Variants in WDR64 observed in about 807,000 individuals in gnomAD.
The protein encoded by WDR64 is WD repeat domain 64, also known as WD repeat-containing protein 64.
Under a neutral mutation model 139.3 loss-of-function variants are expected in WDR64, and 112 were observed. That is an observed-to-expected ratio of 0.80 (90% CI 0.69 to 0.94). The LOEUF is 0.94. Among genes scored for constraint, WDR64 ranks in the 40% least tolerant of loss-of-function variants. The probability of loss-of-function intolerance (pLI) is 0.00; values close to 1 mark genes in which losing one functional copy is unlikely to be tolerated. For missense variants in WDR64, 1,206 were observed against 1,293.1 expected, an observed-to-expected ratio of 0.93 and a Z score of 1.03; for synonymous variants, 444 against 437.7, an observed-to-expected ratio of 1.01 and a Z score of -0.18.
chr1:241,655,280 G>A (rs1290924410), intron 1 of WDR64, among the ~76,000 whole-genome samples: 2 of 152,128 alleles, frequency 1.3e-5, no homozygotes, highest in Non-Finnish European at 2.9e-5. Flanking sequence ...CTACTCGGGA[G>A]GCTAAGCCAG....
chr1:241,693,072 A>G (rs1041608481), intron 8 of WDR64, among the ~76,000 whole-genome samples: 7 of 152,174 alleles, frequency 4.6e-5, no homozygotes, highest in Non-Finnish European at 7.4e-5. Flanking sequence ...TATTTACCCA[A>G]AGAAGTTGAA....
At chr1:241,790,849 A>G (rs940345881) in intron 25 of WDR64, among the ~76,000 whole-genome samples, 153 bp downstream of exon 25, 4 of 152,184 alleles carry the variant, frequency 2.6e-5, no homozygotes, top group Non-Finnish European at 5.9e-5. Flanking sequence ...TAAACAATAC[A>G]AATTAATTAT....
intron 23 of WDR64, among the ~76,000 whole-genome samples, chr1:241,783,908 T>C (rs2051064): frequency 0.45 from 68,070 of 152,088 alleles, 16,020 homozygotes; most frequent in Middle Eastern, 0.65. Context: ...GGAAATGTCA[T>C]GGCATTTCTA....
rs758047831 is a variant in WDR64 at position 241,801,207 on chromosome 1, C to T, written c.3268C>T (p.Pro1090Ser). 7 of 1,613,200 alleles carry T rather than the reference C, an allele frequency of 4.3e-6. No individual in the cohort carries two copies. Among genetic ancestry groups the T allele is most frequent in the East Asian group, 2.2e-5 (1 of 44,848 alleles). The change falls in exon 28 of 28, where the codon CCC (proline) becomes TCC (serine). Residue 1090 changes from proline to serine, a missense_variant. Transcript: ENST00000437684. ...NLASSFFPAI[P>S]K ...GGCTTCTTCCTTCTTCCCAGCTATA[C>T]CCAAGTAAGGAGAAAAAATCAGAAA...
chr1:241,754,297 T>G (rs894351710), intron 14 of WDR64, among the ~76,000 whole-genome samples: 3 of 146,178 alleles, frequency 2.1e-5, no homozygotes, highest in African/African-American at 5.0e-5. Context: ...ACGTGCAGGG[T>G]TTTTTTTCCT....
intron 8 of WDR64, among the ~76,000 whole-genome samples, chr1:241,691,157 G>A (rs948026248): frequency 2.6e-5 from 4 of 152,064 alleles, no homozygotes; most frequent in Middle Eastern, 3.2e-3. Flanking sequence ...TAAAAAATGT[G>A]TAACTTATAT....
chr1:241,764,776 T>A (rs1046804224), intron 15 of WDR64, among the ~76,000 whole-genome samples: 7 of 152,148 alleles, frequency 4.6e-5, no homozygotes, highest in Non-Finnish European at 8.8e-5. Context: ...TAGCATAACT[T>A]GCAATTACAC....
chr1:241,729,682 T>C (rs73141055), intron 10 of WDR64, among the ~76,000 whole-genome samples: 26,917 of 152,166 alleles, frequency 0.18, 2,915 homozygotes, highest in African/African-American at 0.29. Flanking sequence ...TGAGTTTTTT[T>C]TCCTTTTGGT....
intron 2 of WDR64, among the ~76,000 whole-genome samples, chr1:241,665,135 G>A (rs554872689): frequency 7.2e-5 from 11 of 152,036 alleles, no homozygotes; most frequent in East Asian, 1.9e-4. Context: ...CCTATAAATC[G>A]TATGCAAGTT....
intron 1 of WDR64, among the ~76,000 whole-genome samples, chr1:241,655,181 A>C (rs552059299): frequency 6.6e-6 from 1 of 152,154 alleles, no homozygotes; most frequent in Non-Finnish European, 1.5e-5. Context: ...TCAGGAGTTC[A>C]AGACCAGCCT....
At position 241,688,490 on chromosome 1, in the gene WDR64, CTCA is replaced by C. The variant is rs145825379; in HGVS notation, c.974+898_974+900del. ...CCCTAATAAAGATGTCTCAGAAAAG[CTCA>C]TCGAGACTCCTGGCTGCCTTCCAGT... On this transcript the variant is annotated intron_variant, in intron 8 of 27. Coordinates refer to ENST00000437684, the MANE Select transcript of WDR64 (RefSeq NM_001367482.1). Among the ~76,000 whole-genome samples, 435 of 152,278 alleles carry C rather than the reference CTCA, an allele frequency of 2.9e-3. 5 individuals are homozygous for C. The highest frequency in any genetic ancestry group is 0.01 in the African/African-American group (421 of 41,570).
chr1:241,734,043 G>T (rs1405213483), intron 10 of WDR64, among the ~76,000 whole-genome samples: 1 of 152,160 alleles, frequency 6.6e-6, no homozygotes, highest in East Asian at 1.9e-4. Context: ...TCTGGGAACT[G>T]CTTAGGGCAA....
intron 1 of WDR64, among the ~76,000 whole-genome samples, chr1:241,653,356 T>TG (rs1665438030): frequency 6.6e-6 from 1 of 152,188 alleles, no homozygotes; most frequent in Non-Finnish European, 1.5e-5. Flanking sequence ...TGTGCCAGGC[T>TG]GCATAGTAAT....
At chr1:241,757,608 C>T (rs2148277354) in intron 15 of WDR64, 149 bp downstream of exon 15, 1 of 533,638 alleles carries the variant, frequency 1.9e-6, no homozygotes. Context: ...AAACTTACTC[C>T]TTATTTCCAC....
intron 10 of WDR64, among the ~76,000 whole-genome samples, chr1:241,724,129 T>C (rs2148202355): frequency 6.6e-6 from 1 of 152,176 alleles, no homozygotes; most frequent in East Asian, 1.9e-4. Flanking sequence ...AACTATGAAG[T>C]TTTACTGTGT....
chr1:241,777,590 G>C (rs1658703866), intron 21 of WDR64, among the ~76,000 whole-genome samples: 1 of 151,384 alleles, frequency 6.6e-6, no homozygotes, highest in African/African-American at 2.4e-5. Flanking sequence ...GCTAATTTTT[G>C]TATTTTTACT....
chr1:241,729,027 A>G (rs1053541173), intron 10 of WDR64, among the ~76,000 whole-genome samples: 8 of 152,106 alleles, frequency 5.3e-5, no homozygotes, highest in Middle Eastern at 3.4e-3. Flanking sequence ...CCTACCTAAA[A>G]CTGAATTTAT....
At chr1:241,654,335 A>G (rs1665491084) in intron 1 of WDR64, among the ~76,000 whole-genome samples, 1 of 152,142 alleles carries the variant, frequency 6.6e-6, no homozygotes, top group South Asian at 2.1e-4. Context: ...TGACAATATC[A>G]CCACTTAACT....
chr1:241,780,695 A>T (rs975958959), intron 22 of WDR64, among the ~76,000 whole-genome samples: 1 of 152,154 alleles, frequency 6.6e-6, no homozygotes, highest in African/African-American at 2.4e-5. Flanking sequence ...ATTGTTTCAA[A>T]TATTGTTTCA....
Sources: allele counts gnomAD v4.1 joint callset (sites outside exome capture counted in the v4.1 genomes callset), GRCh38; gene constraint gnomAD v4.1.1; transcripts MANE v1.5; gene names NCBI Gene and HGNC (gene_info 2026-07-23, HGNC 2026-07-21).